Variants in TLE1 observed in about 807,000 individuals in gnomAD.
The protein encoded by TLE1 is transducin-like enhancer protein 1.
A neutral mutation model predicts 89.8 loss-of-function variants in TLE1; 21 were observed. The ratio of observed to expected loss-of-function variants is 0.23; its 90% confidence interval spans 0.17 to 0.34. TLE1 has a LOEUF of 0.34. TLE1 is among the 10% of genes least tolerant of loss of function. The probability of loss-of-function intolerance (pLI) is 1.00; values close to 1 mark genes in which losing one functional copy is unlikely to be tolerated. For synonymous variants in TLE1, 447 were observed against 407.6 expected, an observed-to-expected ratio of 1.10 and a Z score of -1.16; for missense variants, 795 against 1,031.2, an observed-to-expected ratio of 0.77 and a Z score of 3.14.
At chr9:81,621,087 T>C (rs919491737) in intron 8 of TLE1, among the ~76,000 whole-genome samples, 1 of 152,190 alleles carries the variant, frequency 6.6e-6, no homozygotes, top group Admixed American at 6.5e-5. Flanking sequence ...TTTAATTTAT[T>C]GTTGAAAATA....
At chr9:81,678,101 T>C (rs1564075259) in intron 4 of TLE1, among the ~76,000 whole-genome samples, 1 of 152,174 alleles carries the variant, frequency 6.6e-6, no homozygotes, top group Non-Finnish European at 1.5e-5. Context: ...CTAAAATAAA[T>C]AGCTGTTTTT....
intron 14 of TLE1, among the ~76,000 whole-genome samples, chr9:81,606,862 T>C (rs1831741745): frequency 6.6e-6 from 1 of 151,826 alleles, no homozygotes; most frequent in African/African-American, 2.4e-5. Flanking sequence ...GCAAAGTTCA[T>C]TTTTCCTTCT....
chr9:81,591,169 C>G, intron 15 of TLE1, 117 bp from the exon 16 acceptor site: 1 of 1,360,802 alleles, frequency 7.3e-7, no homozygotes, highest in East Asian at 2.3e-5. Flanking sequence ...GACACTCTAA[C>G]AGAGCAAGAG....
At chr9:81,586,427 A>G (rs2989943) in intron 17 of TLE1, among the ~76,000 whole-genome samples, 140,121 of 152,210 alleles carry the variant, frequency 0.92, 64,818 homozygotes, top group Middle Eastern at 0.96. Context: ...ACTGTACTGA[A>G]TACTGTAGGC....
At position 81,677,356 on chromosome 9, in the gene TLE1, G is replaced by C. The variant is rs1348575352; in HGVS notation, c.234+8320C>G. On this transcript the variant is annotated intron_variant, in intron 4 of 19. Transcript: ENST00000376499. ...TGAGGTGGGCAGATCATGAGGTCAGGAGATCGAGACCATCCTGGCTAACAT... is the reference window on the plus strand; with the variant it reads ...TGAGGTGGGCAGATCATGAGGTCAGCAGATCGAGACCATCCTGGCTAACAT... Among the ~76,000 whole-genome samples, 3 of 151,940 alleles carry C rather than the reference G, an allele frequency of 2.0e-5. No homozygotes were observed. In the East Asian group the frequency reaches 5.8e-4, roughly 29 times the overall value.
chr9:81,687,095 G>A (rs34467900), intron 2 of TLE1, among the ~76,000 whole-genome samples: 14,691 of 152,262 alleles, frequency 0.096, 753 homozygotes, highest in South Asian at 0.16. Context: ...ACATGAAAAA[G>A]GACTCCCTGG....
chr9:81,663,905 TGA>T (rs1012770124), intron 4 of TLE1, among the ~76,000 whole-genome samples: 1 of 152,124 alleles, frequency 6.6e-6, no homozygotes, highest in African/African-American at 2.4e-5. Flanking sequence ...ATTACAGGTG[TGA>T]GCCACCACAC....
intron 15 of TLE1, 21 bp from the exon 16 acceptor site, chr9:81,591,073 A>G: frequency 6.2e-7 from 1 of 1,603,680 alleles, no homozygotes; most frequent in African/African-American, 1.3e-5. Flanking sequence ...AACATAATTC[A>G]TTGCTATAAT....
chr9:81,611,319 CAT>C (rs1196761031), intron 13 of TLE1, among the ~76,000 whole-genome samples: 1 of 151,952 alleles, frequency 6.6e-6, no homozygotes, highest in Non-Finnish European at 1.5e-5. Flanking sequence ...TAAAGTGTAA[CAT>C]AGGCATAGAA....
At chr9:81,632,200 T>C (rs1318095512) in intron 8 of TLE1, among the ~76,000 whole-genome samples, 1 of 152,186 alleles carries the variant, frequency 6.6e-6, no homozygotes, top group African/African-American at 2.4e-5. Flanking sequence ...AATATTTTAT[T>C]TCCCAGCTAT....
At chr9:81,659,329 T>C (rs1830500201) in intron 4 of TLE1, among the ~76,000 whole-genome samples, 1 of 152,208 alleles carries the variant, frequency 6.6e-6, no homozygotes, top group African/African-American at 2.4e-5. Context: ...AGTGAAAAAC[T>C]GAGGGCTAAC....
Position 81,669,590 on chromosome 9 carries a change from A to G in TLE1, c.235-15554T>C, listed in dbSNP as rs569303547. 2.0e-5 allele frequency among the ~76,000 whole-genome samples: 3 copies of G among 151,940 alleles called. No homozygotes were observed. The South Asian group carries it at 6.2e-4, about 31-fold the overall frequency. ...TCTCCTCACTTGTACATGCAAATAT[A>G]TGCATGCTTACACCTCCACCCTCCC... On this transcript the variant is annotated intron_variant, in intron 4 of 19. Coordinates refer to ENST00000376499, the MANE Select transcript of TLE1 (RefSeq NM_005077.5).
At chr9:81,624,131 G>A (rs1825631966) in intron 8 of TLE1, among the ~76,000 whole-genome samples, 1 of 152,134 alleles carries the variant, frequency 6.6e-6, no homozygotes, top group Non-Finnish European at 1.5e-5. Context: ...TTCAACTACT[G>A]CACTTAACAT....
Position 81,622,808 on chromosome 9 carries a change from A to G in TLE1, c.595-2251T>C, listed in dbSNP as rs544410474. ...GCCTCATCATACCTTTGATGCTGTA[A>G]AACTGACTCAAAACAAGGCAGCAGA... is the stretch of plus-strand genomic sequence containing the variant. On this transcript the variant is annotated intron_variant, in intron 8 of 19. Coordinates refer to ENST00000376499, the MANE Select transcript of TLE1 (RefSeq NM_005077.5). Among the ~76,000 whole-genome samples the G allele has an allele frequency of 2.5e-4, 38 of 152,262 alleles. 1 individual carries two copies. In the South Asian group the frequency reaches 7.5e-3, roughly 30 times the overall value.
chr9:81,605,793 T>G (rs1216800084), intron 14 of TLE1, among the ~76,000 whole-genome samples: 1 of 151,096 alleles, frequency 6.6e-6, no homozygotes, highest in African/African-American at 2.4e-5. Context: ...CTAAAGAGTT[T>G]CTGCACGGCA....
intron 13 of TLE1, 60 bp downstream of exon 13, chr9:81,611,709 G>A: frequency 7.3e-7 from 1 of 1,376,910 alleles, no homozygotes. Context: ...AAACCTGACA[G>A]CGCTCAATGG....
chr9:81,606,672 T>C (rs960512438), intron 14 of TLE1, among the ~76,000 whole-genome samples: 1 of 151,862 alleles, frequency 6.6e-6, no homozygotes, highest in African/African-American at 2.4e-5. Context: ...AAATACCTAA[T>C]GTAAATAACG....
intron 1 of TLE1, 91 bp from the exon 2 acceptor site, chr9:81,687,525 T>C (rs1050949906): frequency 2.1e-6 from 2 of 968,764 alleles, no homozygotes; most frequent in Non-Finnish European, 3.2e-6. Flanking sequence ...GGGTGGGACA[T>C]AAACATAAAG....
At chr9:81,608,290 A>G (rs896631375) in intron 14 of TLE1, among the ~76,000 whole-genome samples, 2 of 152,176 alleles carry the variant, frequency 1.3e-5, no homozygotes, top group Non-Finnish European at 2.9e-5. Flanking sequence ...ACAGATAGGA[A>G]ATGCTCACAA....
Sources: allele counts gnomAD v4.1 joint callset (sites outside exome capture counted in the v4.1 genomes callset), GRCh38; gene constraint gnomAD v4.1.1; transcripts MANE v1.5; gene names NCBI Gene and HGNC (gene_info 2026-07-23, HGNC 2026-07-21).